Variants in IGF2BP3 observed in about 807,000 individuals in gnomAD.
IGF2BP3 encodes the protein insulin-like growth factor 2 mRNA-binding protein 3.
In IGF2BP3, 9 loss-of-function variants were observed where a neutral mutation model predicts 73.8. That is an observed-to-expected ratio of 0.12 (90% CI 0.07 to 0.21). The LOEUF (loss-of-function observed/expected upper bound fraction) is 0.21. IGF2BP3 is among the 10% of genes least tolerant of loss of function. The probability of loss-of-function intolerance (pLI) is 1.00; values close to 1 mark genes in which losing one functional copy is unlikely to be tolerated. For synonymous variants in IGF2BP3, 258 were observed against 256.7 expected, an observed-to-expected ratio of 1.01 and a Z score of -0.05; for missense variants, 542 against 714.0, an observed-to-expected ratio of 0.76 and a Z score of 2.75.
At chr7:23,411,202 G>C (rs1787008211) in intron 3 of IGF2BP3, among the ~76,000 whole-genome samples, 1 of 152,206 alleles carries the variant, frequency 6.6e-6, no homozygotes. Context: ...CTCATGGACA[G>C]TCTCAACGTC....
chr7:23,378,808 G>A (rs1348416182), intron 3 of IGF2BP3, among the ~76,000 whole-genome samples: 1 of 151,914 alleles, frequency 6.6e-6, no homozygotes, highest in Non-Finnish European at 1.5e-5. Context: ...TCTTGACCTC[G>A]TGATTCACCC....
intron 5 of IGF2BP3, among the ~76,000 whole-genome samples, chr7:23,354,657 TCTAA>T (rs1008697838): frequency 6.6e-6 from 1 of 152,312 alleles, no homozygotes; most frequent in Non-Finnish European, 1.5e-5. Flanking sequence ...AAAACTAACT[TCTAA>T]CTTTTATTGT....
At chr7:23,440,262 G>C in intron 2 of IGF2BP3, among the ~76,000 whole-genome samples, 1 of 132,324 alleles carries the variant, frequency 7.6e-6, no homozygotes, top group African/African-American at 2.9e-5. Context: ...AAATTGTTTA[G>C]TTATTTCAAA....
intron 10 of IGF2BP3, among the ~76,000 whole-genome samples, chr7:23,325,628 C>T (rs538277293): frequency 6.6e-6 from 1 of 152,202 alleles, no homozygotes; most frequent in South Asian, 2.1e-4. Flanking sequence ...AATCCTAAGC[C>T]AAAAGAACAA....
At chr7:23,362,283 A>C (rs945622091) in intron 3 of IGF2BP3, among the ~76,000 whole-genome samples, 1 of 151,830 alleles carries the variant, frequency 6.6e-6, no homozygotes, top group Admixed American at 6.6e-5. Flanking sequence ...GAAAAAAAAA[A>C]CTAAAGTTTT....
chr7:23,466,529 T>C (rs1025092348), intron 2 of IGF2BP3, among the ~76,000 whole-genome samples: 2 of 152,252 alleles, frequency 1.3e-5, no homozygotes, highest in Non-Finnish European at 2.9e-5. Flanking sequence ...AATTTAAATC[T>C]ACATTGTTAA....
At chr7:23,349,873 A>C (rs778035777) in intron 6 of IGF2BP3, among the ~76,000 whole-genome samples, 5 of 152,238 alleles carry the variant, frequency 3.3e-5, no homozygotes, top group Non-Finnish European at 7.3e-5. Context: ...GGGAAGCCAT[A>C]TAATGAATTT....
At chr7:23,316,012 C>G (rs1245900014) in intron 12 of IGF2BP3, among the ~76,000 whole-genome samples, 1 of 152,120 alleles carries the variant, frequency 6.6e-6, no homozygotes, top group Admixed American at 6.5e-5. Context: ...AAGCTCAGCA[C>G]CAAGGAAAGA....
At position 23,311,872 on chromosome 7, in the gene IGF2BP3, G is replaced by A. The variant is rs979330980; in HGVS notation, c.*490C>T. On this transcript the variant is annotated 3_prime_UTR_variant, in exon 15 of 15. Transcript: ENST00000258729. ...CACTTCCCTTAGGTTACTCATGTTA[G>A]TGTTAGGTAAAAATAAAACTGAGAA... 2.6e-5 allele frequency: 4 copies of A among 154,200 alleles called. No homozygotes were observed. Among genetic ancestry groups the A allele is most frequent in the African/African-American group, 9.7e-5 (4 of 41,450 alleles). The allele number at this position is 154,200 out of a possible 1,614,324, so 9.6% of individuals were successfully genotyped here.
intron 3 of IGF2BP3, among the ~76,000 whole-genome samples, chr7:23,387,906 G>A (rs959959381): frequency 3.9e-5 from 6 of 152,114 alleles, no homozygotes; most frequent in South Asian, 2.1e-4. Context: ...AGAACATAAA[G>A]TGGCACAACT....
At position 23,418,015 on chromosome 7, in the gene IGF2BP3, T is replaced by G. The variant is rs139100674; in HGVS notation, c.285+761A>C. Among the ~76,000 whole-genome samples the G allele has an allele frequency of 1.0e-3, 158 of 152,320 alleles. 4 individuals are homozygous for G. The East Asian group carries it at 0.029, about 28-fold the overall frequency. ...TCAACTTCCCACCAAACTAACCTTT[T>G]AACCAAACTTTGCATTTTGATGGGG... On this transcript the variant is annotated intron_variant, in intron 3 of 14. Transcript: ENST00000258729.
chr7:23,405,544 C>T (rs747186913), intron 3 of IGF2BP3, among the ~76,000 whole-genome samples: 10 of 152,198 alleles, frequency 6.6e-5, no homozygotes, highest in African/African-American at 9.6e-5. Flanking sequence ...GGAACCGGGC[C>T]GCACAGCAGA....
At chr7:23,394,246 T>G (rs983618752) in intron 3 of IGF2BP3, among the ~76,000 whole-genome samples, 7 of 152,126 alleles carry the variant, frequency 4.6e-5, no homozygotes, top group African/African-American at 9.7e-5. Flanking sequence ...GCAAGCTAAG[T>G]GTATAAGCCC....
At chr7:23,417,053 T>C (rs886226134) in intron 3 of IGF2BP3, among the ~76,000 whole-genome samples, 2 of 152,048 alleles carry the variant, frequency 1.3e-5, no homozygotes, top group African/African-American at 4.8e-5. Context: ...CGAAACTCCA[T>C]CTCAAAAAAC....
chr7:23,460,948 T>C (rs748402034), intron 2 of IGF2BP3, among the ~76,000 whole-genome samples: 1 of 152,070 alleles, frequency 6.6e-6, no homozygotes, highest in Non-Finnish European at 1.5e-5. Context: ...AGATTCTATC[T>C]CAAATAAATA....
At position 23,329,191 on chromosome 7, in the gene IGF2BP3, C is replaced by A. The variant is rs149048408; in HGVS notation, c.1204-9937G>T. Among the ~76,000 whole-genome samples, 460 of 150,260 alleles carry A rather than the reference C, an allele frequency of 3.1e-3. 6 individuals are homozygous for A. The highest frequency in any genetic ancestry group is 6.8e-3 in the Middle Eastern group (2 of 292). On this transcript the variant is annotated intron_variant, in intron 10 of 14. Transcript: ENST00000258729. Reference sequence around the variant, plus strand: ...TCACGCCATTGCACTCCAGCCTGGGCGACAGAGCAAGACTCCGTCTCAAAA... The same window carrying A: ...TCACGCCATTGCACTCCAGCCTGGGAGACAGAGCAAGACTCCGTCTCAAAA...
At chr7:23,440,579 A>C (rs1310959775) in intron 2 of IGF2BP3, among the ~76,000 whole-genome samples, 1 of 152,258 alleles carries the variant, frequency 6.6e-6, no homozygotes, top group African/African-American at 2.4e-5. Context: ...GTAAGCTTTA[A>C]GAATGTGTTA....
intron 3 of IGF2BP3, among the ~76,000 whole-genome samples, chr7:23,384,990 G>T (rs1786037475): frequency 6.6e-6 from 1 of 152,100 alleles, no homozygotes; most frequent in Non-Finnish European, 1.5e-5. Flanking sequence ...GGATTATCAG[G>T]ACCATAACCC....
chr7:23,367,445 C>T (rs1306182584), intron 3 of IGF2BP3, among the ~76,000 whole-genome samples: 1 of 119,024 alleles, frequency 8.4e-6, no homozygotes, highest in African/African-American at 6.1e-5. Context: ...GTCTTAAAGG[C>T]CAAAAAAAAA....
Sources: gnomAD v4.1 joint callset for allele counts (sites outside exome capture counted in the v4.1 genomes callset) on GRCh38, gnomAD v4.1.1 for gene constraint, MANE v1.5 for transcripts, NCBI Gene and HGNC (gene_info 2026-07-23, HGNC 2026-07-21) for gene names.